LGI1: variants seen among roughly 807,000 people sequenced by gnomAD.
LGI1 encodes the protein leucine rich glioma inactivated 1.
LGI1 carries 11 observed loss-of-function variants against 57.7 expected under a neutral mutation model. The observed-to-expected ratio is 0.19, with a 90% CI of 0.12 to 0.32. LGI1 has a LOEUF of 0.32. Ranked by LOEUF, LGI1 falls within the 10% of genes least tolerant of loss-of-function variation. LGI1 has a pLI of 1.00. For synonymous variants in LGI1, 222 were observed against 241.9 expected, an observed-to-expected ratio of 0.92 and a Z score of 0.76; for missense variants, 422 against 661.9, an observed-to-expected ratio of 0.64 and a Z score of 3.98.
In LGI1 at chr10:93,790,213, A is replaced by T. The variant is rs12262635; in HGVS notation, c.503+43A>T. 0.018 allele frequency: 26,006 copies of T among 1,466,860 alleles called. 2,461 individuals are homozygous for T. The African/African-American group carries it at 0.25, about 14-fold the overall frequency. The allele number at this position is 1,466,860 out of a possible 1,614,324, so 90.9% of individuals were successfully genotyped here. On this transcript the variant is annotated intron_variant, in intron 5 of 7. Coordinates refer to ENST00000371418, the MANE Select transcript of LGI1 (RefSeq NM_005097.4). ...ATCACTGAACAATTAATTAATTTGC[A>T]GTCATTAACAAGGAAGCCTGGTATT... is the stretch of plus-strand genomic sequence containing the variant.
At chr10:93,789,933 G>T (rs779230529) in intron 4 of LGI1, 166 bp from the exon 5 acceptor site, 287 of 648,162 alleles carry the variant, frequency 4.4e-4, no homozygotes, top group Middle Eastern at 4.2e-3. Flanking sequence ...GGAACTGAAA[G>T]GACAATAGCA....
intron 5 of LGI1, chr10:93,790,414 TA>T (rs749674025): frequency 7.9e-5 from 40 of 504,880 alleles, no homozygotes; most frequent in Non-Finnish European, 1.3e-4. Context: ...TGTGTGTCAA[TA>T]CGGCAGGGAG....
chr10:93,790,014 G>A, intron 4 of LGI1, 85 bp from the exon 5 acceptor site: 1 of 1,295,372 alleles, frequency 7.7e-7, no homozygotes, highest in Non-Finnish European at 1.1e-6. Context: ...AATGACAAAA[G>A]AGACTCATCA....
At chr10:93,788,211 C>A (rs2059906346) in intron 4 of LGI1, 1 of 152,192 alleles carries the variant, frequency 6.6e-6, no homozygotes, top group South Asian at 2.1e-4. Context: ...ATCAGAAAAT[C>A]TCTTCATTCA....
intron 2 of LGI1, among the ~76,000 whole-genome samples, chr10:93,775,011 G>A (rs1468981561): frequency 6.6e-6 from 1 of 152,104 alleles, no homozygotes; most frequent in Admixed American, 6.5e-5. Context: ...ATTTAGCATT[G>A]AGAGATTATG....
At chr10:93,788,578 C>T (rs2059909151) in intron 4 of LGI1, 1 of 152,192 alleles carries the variant, frequency 6.6e-6, no homozygotes, top group Non-Finnish European at 1.5e-5. Flanking sequence ...TCAAACATAG[C>T]TCAGAATCAC....
At chr10:93,785,411 A>T (rs1347464461) in intron 4 of LGI1, among the ~76,000 whole-genome samples, 1 of 152,234 alleles carries the variant, frequency 6.6e-6, no homozygotes, top group East Asian at 1.9e-4. Flanking sequence ...AGTGAAATTC[A>T]TATCCTTTAC....
intron 4 of LGI1, among the ~76,000 whole-genome samples, chr10:93,778,284 A>G (rs2059811406): frequency 6.6e-6 from 1 of 151,982 alleles, no homozygotes; most frequent in Non-Finnish European, 1.5e-5. Flanking sequence ...GAAACCCTGA[A>G]CAACAGGACC....
At chr10:93,770,582 C>G (rs1384790926) in intron 2 of LGI1, 2 of 152,196 alleles carry the variant, frequency 1.3e-5, no homozygotes, top group African/African-American at 4.8e-5. Flanking sequence ...TTTTCCGTTC[C>G]TTTTGAAGTA....
intron 2 of LGI1, among the ~76,000 whole-genome samples, chr10:93,773,194 C>T (rs911109902): frequency 5.9e-5 from 9 of 151,976 alleles, no homozygotes; most frequent in African/African-American, 2.2e-4. Flanking sequence ...TTTAAGACTG[C>T]TTACTCTAAT....
In LGI1 at chr10:93,758,510, T is replaced by C. The variant is rs2059588512; in HGVS notation, c.215+151T>C. 1.1e-6 allele frequency: 1 copy of C among 878,592 alleles called. No individual in the cohort carries two copies. Among genetic ancestry groups the C allele is most frequent in the African/African-American group, 1.7e-5 (1 of 60,190 alleles). The allele number at this position is 878,592 out of a possible 1,614,324, so 54.4% of individuals were successfully genotyped here. A position where few individuals can be genotyped will look rare whatever the true frequency, so the allele number is the denominator to read the frequency against. ...TGACAGTGCTAACATTTGCTGCATTTAGAATTTTTGATTTTTTTAGCTGCT... is the reference window on the plus strand; with the variant it reads ...TGACAGTGCTAACATTTGCTGCATTCAGAATTTTTGATTTTTTTAGCTGCT... On this transcript the variant is annotated intron_variant, in intron 1 of 7. Coordinates refer to ENST00000371418, the MANE Select transcript of LGI1 (RefSeq NM_005097.4). The surrounding 1 kb of genome is among the most constrained non-coding windows in gnomAD (Gnocchi z 4.7).
chr10:93,769,975 T>C (rs2133990621), intron 2 of LGI1: 1 of 152,372 alleles, frequency 6.6e-6, no homozygotes, highest in Non-Finnish European at 1.5e-5. Flanking sequence ...TACATGTCAT[T>C]AGAGCCAGGG....
intron 2 of LGI1, chr10:93,768,913 G>C (rs2059707181): frequency 6.6e-6 from 1 of 152,210 alleles, no homozygotes; most frequent in South Asian, 2.1e-4. Context: ...AATCAATCCA[G>C]GTTGAAGAGT....
chr10:93,791,781 G>A (rs2059939776), intron 5 of LGI1: 1 of 152,204 alleles, frequency 6.6e-6, no homozygotes, highest in Admixed American at 6.5e-5. Context: ...GGTCTATGCT[G>A]TATAACTTAT....
chr10:93,774,812 A>G lies in LGI1; in HGVS notation c.288-2567A>G, dbSNP rs75701877. 1.7e-3 allele frequency among the ~76,000 whole-genome samples: 258 copies of G among 152,362 alleles called. 7 individuals are homozygous for G. The East Asian group carries it at 0.043, about 25-fold the overall frequency. On this transcript the variant is annotated intron_variant, in intron 2 of 7. Transcript: ENST00000371418. ...AACATATCTGGTTCAATAACAAATT[A>G]TAATAATGAAATCAAACATATTTAG...
intron 4 of LGI1, among the ~76,000 whole-genome samples, chr10:93,779,828 T>C (rs1254818941): frequency 6.6e-6 from 1 of 152,168 alleles, no homozygotes; most frequent in Non-Finnish European, 1.5e-5. Flanking sequence ...GTCCCACCTC[T>C]CTGAGCTGGT....
chr10:93,787,206 C>G (rs375795382), intron 4 of LGI1, among the ~76,000 whole-genome samples: 1 of 152,276 alleles, frequency 6.6e-6, no homozygotes, highest in East Asian at 1.9e-4. Flanking sequence ...AAGAGCAGTT[C>G]ATTGTGGGCA....
At chr10:93,760,072 A>G (rs999994319) in intron 2 of LGI1, among the ~76,000 whole-genome samples, 9 of 152,242 alleles carry the variant, frequency 5.9e-5, no homozygotes, top group African/African-American at 2.2e-4. Context: ...AAAGTCACTC[A>G]TCTATTGTTT....
At chr10:93,792,675 G>A (rs1489017586) in intron 5 of LGI1, 68 bp from the exon 6 acceptor site, 44 of 1,486,826 alleles carry the variant, frequency 3.0e-5, no homozygotes, top group Non-Finnish European at 8.5e-6. Context: ...GTTAATTGTT[G>A]ATGTAGAACT....
Sources: allele counts gnomAD v4.1 joint callset (sites outside exome capture counted in the v4.1 genomes callset), GRCh38; gene constraint gnomAD v4.1.1; non-coding constraint Gnocchi (gnomAD v3.1); transcripts MANE v1.5; gene names NCBI Gene and HGNC (gene_info 2026-07-23, HGNC 2026-07-21).